Variants in TMTC2 observed in about 807,000 individuals in gnomAD.
TMTC2 encodes protein O-mannosyl-transferase TMTC2.
Under a neutral mutation model 82.4 loss-of-function variants are expected in TMTC2, and 43 were observed. The ratio of observed to expected loss-of-function variants is 0.52; its 90% CI spans 0.41 to 0.67. The LOEUF (loss-of-function observed/expected upper bound fraction) is 0.67, where lower values mean the gene tolerates loss of function less well. TMTC2 is among the 30% of genes least tolerant of loss of function. TMTC2 has a pLI of 0.00. For synonymous variants in TMTC2, 408 were observed against 381.9 expected (o/e 1.07, Z -0.80); for missense variants, 919 against 1,012.4 (o/e 0.91, Z 1.25).
intron 8 of TMTC2, among the ~76,000 whole-genome samples, chr12:82,998,945 A>G (rs980092189): frequency 2.6e-5 from 4 of 152,198 alleles, no homozygotes; most frequent in African/African-American, 4.8e-5. Context: ...TGAAGTTAGT[A>G]CAGAGAGTTC....
chr12:82,973,582 A>G (rs1186220070), intron 7 of TMTC2, among the ~76,000 whole-genome samples: 4 of 152,146 alleles, frequency 2.6e-5, no homozygotes, highest in African/African-American at 9.7e-5. Context: ...TTTAAAATAT[A>G]TTTTTCTACA....
intron 7 of TMTC2, among the ~76,000 whole-genome samples, chr12:82,979,578 A>G (rs1878831738): frequency 6.6e-6 from 1 of 151,662 alleles, no homozygotes; most frequent in South Asian, 2.1e-4. Flanking sequence ...TGATTGGTTC[A>G]TTTTTCAATC....
Position 82,996,429 on chromosome 12 carries a change from A to G in TMTC2, c.2070+10383A>G, listed in dbSNP as rs138957536. Among the ~76,000 whole-genome samples the G allele has an allele frequency of 1.9e-4, 29 of 152,352 alleles. 1 individual carries two copies. The East Asian group carries it at 5.4e-3, about 28-fold the overall frequency. The stretch of plus-strand genomic sequence containing the variant: ...TGCCTAGTAATTGATTTCTTCTCAC[A>G]GTGGAAGGCATAATTCTTTTAAAAG... On this transcript the variant is annotated intron_variant, in intron 8 of 11. Transcript: ENST00000321196.
At chr12:82,979,837 G>A (rs753010907) in intron 7 of TMTC2, among the ~76,000 whole-genome samples, 1 of 151,702 alleles carries the variant, frequency 6.6e-6, no homozygotes, top group Non-Finnish European at 1.5e-5. Context: ...TCTCCTTCAT[G>A]TTTGAAGGAT....
chr12:82,917,585 CTTTTA>C (rs1177175765), intron 3 of TMTC2, among the ~76,000 whole-genome samples: 1 of 151,470 alleles, frequency 6.6e-6, no homozygotes, highest in Admixed American at 6.6e-5. Context: ...TTAAAATTGG[CTTTTA>C]TTTTATTTAT....
chr12:82,695,301 T>G (rs1307720677), intron 1 of TMTC2, among the ~76,000 whole-genome samples: 1 of 152,268 alleles, frequency 6.6e-6, no homozygotes, highest in East Asian at 1.9e-4. Context: ...CAGCTGTGTC[T>G]TATGAAATTC....
chr12:82,899,049 C>G (rs1873826824), intron 3 of TMTC2, among the ~76,000 whole-genome samples: 1 of 152,154 alleles, frequency 6.6e-6, no homozygotes, highest in African/African-American at 2.4e-5. Context: ...TTTCCATTCA[C>G]TAAGTAAAAC....
At chr12:82,984,401 A>G (rs1385612908) in intron 7 of TMTC2, among the ~76,000 whole-genome samples, 1 of 152,204 alleles carries the variant, frequency 6.6e-6, no homozygotes, top group African/African-American at 2.4e-5. Context: ...CAAAAGATCA[A>G]GAGACTCAAA....
In TMTC2 at chr12:82,795,133, C is replaced by T. The variant is rs1376629986; in HGVS notation, c.84-61877C>T. 9.9e-5 allele frequency among the ~76,000 whole-genome samples: 15 copies of T among 151,536 alleles called. 1 individual carries two copies. The highest frequency in any genetic ancestry group is 9.9e-4 in the Admixed American group (15 of 15,212). ...CAGCGTGGCCAACATGGTGAAACCC[C>T]ATATCTACTAAAAATACAAAAATTA... On this transcript the variant is annotated intron_variant, in intron 1 of 11. Transcript: ENST00000321196.
intron 1 of TMTC2, among the ~76,000 whole-genome samples, chr12:82,728,158 A>T (rs1337881445): frequency 6.6e-6 from 1 of 152,094 alleles, no homozygotes; most frequent in East Asian, 2.0e-4. Flanking sequence ...CTGTTCCCCA[A>T]CAACTGCTTA....
At chr12:82,919,688 A>G (rs1459113745) in intron 3 of TMTC2, among the ~76,000 whole-genome samples, 1 of 152,232 alleles carries the variant, frequency 6.6e-6, no homozygotes, top group African/African-American at 2.4e-5. Flanking sequence ...GAAAGAGGAA[A>G]GAAGAAAAGA....
intron 8 of TMTC2, among the ~76,000 whole-genome samples, chr12:83,001,672 G>C (rs575842535): frequency 1.3e-5 from 2 of 148,550 alleles, no homozygotes; most frequent in South Asian, 4.3e-4. Context: ...AAAAAGTAAT[G>C]TCTTCCACCA....
rs537676337 is a variant in TMTC2 at position 82,762,662 on chromosome 12, T to C, written c.83+74993T>C. Among the ~76,000 whole-genome samples the C allele has an allele frequency of 3.3e-5, 5 of 152,150 alleles. No individual in the cohort carries two copies. The South Asian group carries it at 1.0e-3, about 32-fold the overall frequency. ...ATTTATAAAAAAATGAGTAGAGAAA[T>C]ATGTAAACATAAAAGGAAACATAAT... On this transcript the variant is annotated intron_variant, in intron 1 of 11. Transcript: ENST00000321196.
chr12:82,958,010 C>T (rs1877706026), intron 4 of TMTC2, among the ~76,000 whole-genome samples: 3 of 152,094 alleles, frequency 2.0e-5, no homozygotes, highest in Non-Finnish European at 4.4e-5. Context: ...TCGGACCCCT[C>T]CCTGACTCAT....
At chr12:82,914,817 A>ATTTTTTTT (rs71068958) in intron 3 of TMTC2, among the ~76,000 whole-genome samples, 7 of 86,404 alleles carry the variant, frequency 8.1e-5, no homozygotes, top group Admixed American at 1.5e-4. Flanking sequence ...CAACTCACTT[A>ATTTTTTTT]TTTTTTTTTT....
At chr12:83,048,392 C>T (rs1179336126) in intron 9 of TMTC2, among the ~76,000 whole-genome samples, 1 of 151,970 alleles carries the variant, frequency 6.6e-6, no homozygotes, top group Non-Finnish European at 1.5e-5. Context: ...ATAAATGTAA[C>T]TTATTTATAA....
At chr12:82,826,103 TTAAG>T (rs1291153430) in intron 1 of TMTC2, among the ~76,000 whole-genome samples, 1 of 152,238 alleles carries the variant, frequency 6.6e-6, no homozygotes, top group Non-Finnish European at 1.5e-5. Flanking sequence ...AAAAGAATAT[TTAAG>T]TAAACTTACT....
At chr12:83,053,456 C>T (rs1182992792) in intron 10 of TMTC2, among the ~76,000 whole-genome samples, 2 of 151,968 alleles carry the variant, frequency 1.3e-5, no homozygotes, top group African/African-American at 4.8e-5. Context: ...TTTAACTTAC[C>T]TTTTCTTGGC....
At chr12:82,914,859 C>T (rs1051860696) in intron 3 of TMTC2, among the ~76,000 whole-genome samples, 18 of 114,836 alleles carry the variant, frequency 1.6e-4, no homozygotes, top group African/African-American at 5.1e-4. Flanking sequence ...GAGTTTCGCT[C>T]TTGTTGCCCA....
Sources: allele counts gnomAD v4.1 joint callset (sites outside exome capture counted in the v4.1 genomes callset), GRCh38; gene constraint gnomAD v4.1.1; transcripts MANE v1.5; gene names NCBI Gene and HGNC (gene_info 2026-07-23, HGNC 2026-07-21).